Variants in NELL1 observed in about 807,000 individuals in gnomAD.
NELL1 encodes the protein neural EGFL like 1.
NELL1 carries 76 observed loss-of-function variants against 107.4 expected under a neutral mutation model. The observed-to-expected ratio is 0.71, with a 90% CI of 0.59 to 0.86. NELL1 has a LOEUF of 0.86. Ranked by LOEUF, NELL1 falls within the 40% of genes least tolerant of loss-of-function variation. The probability of loss-of-function intolerance (pLI) is 0.00; values close to 1 mark genes in which losing one functional copy is unlikely to be tolerated. For synonymous variants in NELL1, 353 were observed against 341.2 expected, an observed-to-expected ratio of 1.03 and a Z score of -0.38; for missense variants, 1,024 against 1,005.5, an observed-to-expected ratio of 1.02 and a Z score of -0.25.
rs925116835 is a variant in NELL1, at chr11:21,285,920, GTTAC to G, written c.1549+56470_1549+56473del. On this transcript the variant is annotated intron_variant, in intron 14 of 19. Coordinates refer to ENST00000357134, the MANE Select transcript of NELL1 (RefSeq NM_006157.5). ...ATAACTTTATTGGTGCTTGGAAATT[GTTAC>G]TTAATTAGGAAATTAAAAACACAAT... Among the ~76,000 whole-genome samples, 9 of 152,274 alleles carry G rather than the reference GTTAC, an allele frequency of 5.9e-5. No individual in the cohort carries two copies. The East Asian group carries it at 7.7e-4, about 13-fold the overall frequency.
intron 13 of NELL1, among the ~76,000 whole-genome samples, chr11:21,217,104 T>G (rs1408781047): frequency 6.6e-6 from 1 of 152,126 alleles, no homozygotes; most frequent in African/African-American, 2.4e-5. Context: ...TCTGATGGTT[T>G]CATAAGGGGC....
At chr11:21,306,683 T>G (rs1313803166) in intron 14 of NELL1, among the ~76,000 whole-genome samples, 1 of 152,030 alleles carries the variant, frequency 6.6e-6, no homozygotes, top group Non-Finnish European at 1.5e-5. Flanking sequence ...CATTCCCTCA[T>G]TTATCATAGG....
rs146497595 is a variant in NELL1, at chr11:21,167,587, T to C, written c.1426+53873T>C. 2.3e-3 allele frequency among the ~76,000 whole-genome samples: 351 copies of C among 152,004 alleles called. 6 individuals carry two copies. Among genetic ancestry groups the C allele is most frequent in the African/African-American group, 7.9e-3 (325 of 41,268 alleles). On this transcript the variant is annotated intron_variant, in intron 13 of 19. Transcript: ENST00000357134. ...CTAATCATGAGGATCAGTCATGAGG[T>C]TGGCAATTGACGAATACCTTATTAT... is the stretch of plus-strand genomic sequence containing the variant.
At chr11:20,883,472 C>T (rs989910796) in intron 4 of NELL1, among the ~76,000 whole-genome samples, 5 of 152,110 alleles carry the variant, frequency 3.3e-5, no homozygotes, top group South Asian at 2.1e-4. Context: ...ACTTTTGAAT[C>T]GAAAGCTCGT....
intron 14 of NELL1, chr11:21,284,740 A>G: frequency 2.9e-6 from 1 of 347,496 alleles, no homozygotes; most frequent in African/African-American, 2.1e-5. Flanking sequence ...AATTTAGTCA[A>G]TACAAATCTG....
At chr11:21,225,351 G>A (rs1293362962) in intron 13 of NELL1, among the ~76,000 whole-genome samples, 1 of 152,194 alleles carries the variant, frequency 6.6e-6, no homozygotes, top group Non-Finnish European at 1.5e-5. Flanking sequence ...TGTAAGGGCT[G>A]TGAGGCTCTT....
intron 16 of NELL1, among the ~76,000 whole-genome samples, chr11:21,537,853 A>C (rs980827083): frequency 6.6e-6 from 1 of 152,120 alleles, no homozygotes; most frequent in Non-Finnish European, 1.5e-5. Flanking sequence ...TGAGATGTTA[A>C]ATATCACAAA....
At chr11:21,287,538 C>T (rs543194228) in intron 14 of NELL1, among the ~76,000 whole-genome samples, 18 of 152,270 alleles carry the variant, frequency 1.2e-4, no homozygotes, top group African/African-American at 4.3e-4. Context: ...GTCTGTCCCC[C>T]CACCCTCATT....
intron 3 of NELL1, among the ~76,000 whole-genome samples, chr11:20,834,659 C>T (rs1278810623): frequency 5.3e-5 from 8 of 151,012 alleles, no homozygotes; most frequent in South Asian, 2.1e-4. Flanking sequence ...GCTGAGATCA[C>T]GCCACTGAAC....
At chr11:21,454,197 C>G (rs913896299) in intron 15 of NELL1, among the ~76,000 whole-genome samples, 1 of 146,154 alleles carries the variant, frequency 6.8e-6, no homozygotes, top group Non-Finnish European at 1.5e-5. Flanking sequence ...TTTGTTCTTG[C>G]GATAGTTTAC....
chr11:21,014,879 A>G (rs1852529824), intron 12 of NELL1, among the ~76,000 whole-genome samples: 1 of 152,136 alleles, frequency 6.6e-6, no homozygotes, highest in South Asian at 2.1e-4. Context: ...TTTCATTATG[A>G]TGAACCTCTT....
chr11:21,426,321 C>T (rs968847856), intron 15 of NELL1, among the ~76,000 whole-genome samples: 1 of 152,136 alleles, frequency 6.6e-6, no homozygotes, highest in African/African-American at 2.4e-5. Flanking sequence ...ATCATTATAT[C>T]CCAGACCCTG....
intron 15 of NELL1, among the ~76,000 whole-genome samples, chr11:21,510,005 T>C (rs1855392645): frequency 1.3e-5 from 2 of 152,168 alleles, no homozygotes; most frequent in East Asian, 3.9e-4. Flanking sequence ...AGTAGGTGCA[T>C]GTACATGGTG....
intron 12 of NELL1, among the ~76,000 whole-genome samples, chr11:21,051,448 G>A (rs1451558103): frequency 2.7e-4 from 41 of 152,086 alleles, no homozygotes; most frequent in Non-Finnish European, 1.0e-4. Context: ...CTGCTCGGGT[G>A]ATATGTGCAC....
chr11:20,909,917 G>A (rs1008036447), intron 5 of NELL1, among the ~76,000 whole-genome samples: 2 of 152,110 alleles, frequency 1.3e-5, no homozygotes, highest in African/African-American at 2.4e-5. Flanking sequence ...TTGCAGGTCC[G>A]TCACCATTAC....
chr11:21,456,516 T>C (rs1232846209), intron 15 of NELL1, among the ~76,000 whole-genome samples: 1 of 152,128 alleles, frequency 6.6e-6, no homozygotes, highest in African/African-American at 2.4e-5. Flanking sequence ...GATTTTATTA[T>C]TTTTTTGTTT....
chr11:20,788,651 C>G (rs1857015243), intron 3 of NELL1, among the ~76,000 whole-genome samples: 1 of 151,536 alleles, frequency 6.6e-6, no homozygotes, highest in African/African-American at 2.4e-5. Flanking sequence ...TTTTCATTTT[C>G]TTGGTGGTGT....
intron 9 of NELL1, among the ~76,000 whole-genome samples, chr11:20,931,099 A>T (rs1850608501): frequency 6.6e-6 from 1 of 151,988 alleles, no homozygotes; most frequent in African/African-American, 2.4e-5. Context: ...ATGATGAGGG[A>T]TCCTTCCCTG....
intron 13 of NELL1, among the ~76,000 whole-genome samples, chr11:21,173,546 C>G (rs111517671): frequency 6.6e-6 from 1 of 151,820 alleles, no homozygotes; most frequent in African/African-American, 2.4e-5. Context: ...GCAGTGATAG[C>G]CTTCTTTCTT....
Sources: gnomAD v4.1 joint callset for allele counts (sites outside exome capture counted in the v4.1 genomes callset) on GRCh38, gnomAD v4.1.1 for gene constraint, MANE v1.5 for transcripts, NCBI Gene and HGNC (gene_info 2026-07-23, HGNC 2026-07-21) for gene names.